ATG7: variants seen among roughly 807,000 people sequenced by gnomAD.
The protein encoded by ATG7 is ubiquitin-like modifier-activating enzyme ATG7.
In ATG7, 70 loss-of-function variants were observed where a neutral mutation model predicts 82.4. The ratio of observed to expected loss-of-function variants is 0.85; its 90% CI spans 0.70 to 1.04. The LOEUF (loss-of-function observed/expected upper bound fraction) is 1.04. ATG7 is among the 50% of genes least tolerant of loss of function. The probability of loss-of-function intolerance (pLI) is 0.00; values close to 1 mark genes in which losing one functional copy is unlikely to be tolerated. For missense variants in ATG7, 792 were observed against 864.3 expected, an observed-to-expected ratio of 0.92 and a Z score of 1.05; for synonymous variants, 287 against 313.0, an observed-to-expected ratio of 0.92 and a Z score of 0.88.
At chr3:11,292,254 CTTT>C (rs57610397) in intron 3 of ATG7, among the ~76,000 whole-genome samples, 5 of 138,836 alleles carry the variant, frequency 3.6e-5, no homozygotes, top group Non-Finnish European at 3.1e-5. Context: ...TTCTTTCTTT[CTTT>C]TTTTTTTTTT....
At chr3:11,568,997 TCCAGGACAGAGC>T in the ATG7 span, 4 of 1,053,182 alleles carry the variant, frequency 3.8e-6, no homozygotes, top group South Asian at 5.7e-5. The surrounding 1 kb of genome is among the most constrained non-coding windows in gnomAD (Gnocchi z 5.9). Flanking sequence ...AACACCATCA[TCCAGGACAGAGC>T]TTTCTGAGTA....
intron 20 of ATG7, among the ~76,000 whole-genome samples, chr3:11,511,832 G>A (rs1295889487): frequency 1.3e-5 from 2 of 152,182 alleles, no homozygotes; most frequent in African/African-American, 4.8e-5. Flanking sequence ...CGCAGCCACT[G>A]GCCCAGGTGC....
intron 20 of ATG7, among the ~76,000 whole-genome samples, chr3:11,487,056 C>T (rs1056303833): frequency 5.3e-5 from 8 of 151,004 alleles, no homozygotes; most frequent in African/African-American, 1.7e-4. Flanking sequence ...ATGCTGCCTT[C>T]AAGCATCTGT....
intron 20 of ATG7, among the ~76,000 whole-genome samples, chr3:11,498,696 A>G (rs1192319217): frequency 6.6e-6 from 1 of 152,014 alleles, no homozygotes; most frequent in Non-Finnish European, 1.5e-5. Flanking sequence ...TTAATTCCCA[A>G]TCCTCTTTTT....
intron 20 of ATG7, among the ~76,000 whole-genome samples, chr3:11,499,682 G>A (rs963312475): frequency 9.9e-5 from 15 of 151,486 alleles, no homozygotes; most frequent in African/African-American, 3.6e-4. Context: ...GGAAGGCAGA[G>A]GTTGCAGTGA....
chr3:11,474,485 A>T (rs887734358), intron 20 of ATG7, among the ~76,000 whole-genome samples: 1 of 152,204 alleles, frequency 6.6e-6, no homozygotes, highest in Non-Finnish European at 1.5e-5. Context: ...CTGTGGTCCC[A>T]GCTACTCTGG....
At chr3:11,372,698 GA>G (rs960069117) in intron 18 of ATG7, among the ~76,000 whole-genome samples, 3 of 150,678 alleles carry the variant, frequency 2.0e-5, no homozygotes, top group East Asian at 3.9e-4. Flanking sequence ...TGTACTAAGG[GA>G]AAAAAAATGT....
intron 20 of ATG7, among the ~76,000 whole-genome samples, chr3:11,543,825 C>T (rs13353407): frequency 0.18 from 27,950 of 152,130 alleles, 2,852 homozygotes; most frequent in Middle Eastern, 0.26. Context: ...TTGCTTGAAC[C>T]GCGGACCTCT....
At chr3:11,505,126 A>C (rs918360534) in intron 20 of ATG7, among the ~76,000 whole-genome samples, 21 of 152,248 alleles carry the variant, frequency 1.4e-4, no homozygotes, top group Non-Finnish European at 2.2e-4. Flanking sequence ...AATTTTCATA[A>C]CAAGCCTTGG....
intron 9 of ATG7, among the ~76,000 whole-genome samples, chr3:11,328,635 C>T (rs1951208077): frequency 6.6e-6 from 1 of 152,054 alleles, no homozygotes; most frequent in Admixed American, 6.5e-5. Flanking sequence ...AATTCATTTT[C>T]AGAGATTGAG....
chr3:11,484,654 C>T (rs2089418337), intron 20 of ATG7, among the ~76,000 whole-genome samples: 1 of 152,140 alleles, frequency 6.6e-6, no homozygotes, highest in Admixed American at 6.5e-5. Flanking sequence ...CACCCATTAA[C>T]TCATCATTCA....
chr3:11,388,262 CTTGATCA>C lies in ATG7; in HGVS notation c.1956+8211_1956+8217del, dbSNP rs569806332. On this transcript the variant is annotated intron_variant, in intron 19 of 20. Coordinates refer to ENST00000693202, the MANE Select transcript of ATG7 (RefSeq NM_001349232.2). ...TTGTGTCTCTGAGATTGTGTAGTCTCTTGATCAACTATTTCATTTCTTTAGGCCCAGC... is the reference window on the plus strand; with the variant it reads ...TTGTGTCTCTGAGATTGTGTAGTCTCACTATTTCATTTCTTTAGGCCCAGC... Among the ~76,000 whole-genome samples, 77 of 151,596 alleles carry C rather than the reference CTTGATCA, an allele frequency of 5.1e-4. 1 individual carries two copies. In the South Asian group the frequency reaches 0.016, roughly 31 times the overall value.
intron 19 of ATG7, among the ~76,000 whole-genome samples, chr3:11,406,498 A>C (rs192190614): frequency 1.3e-5 from 2 of 152,126 alleles, no homozygotes; most frequent in Admixed American, 1.3e-4. Flanking sequence ...TGTAGAGATG[A>C]CATCTTGCTA....
intron 20 of ATG7, among the ~76,000 whole-genome samples, chr3:11,468,926 C>T (rs138059886): frequency 1.1e-3 from 175 of 152,308 alleles, no homozygotes; most frequent in African/African-American, 4.2e-3. Context: ...TCTGGCCCTC[C>T]AGGCTGTGTG....
At chr3:11,364,599 C>A in intron 17 of ATG7, 60 bp from the exon 18 acceptor site, 1 of 1,550,464 alleles carries the variant, frequency 6.4e-7, no homozygotes, top group South Asian at 1.1e-5. Context: ...TCTGCTAGAT[C>A]ATCCTCCCAT....
At chr3:11,298,942 C>G (rs1429910731) in intron 4 of ATG7, 87 bp downstream of exon 4, 1 of 1,447,290 alleles carries the variant, frequency 6.9e-7, no homozygotes. Context: ...TAGAAAGAGA[C>G]AGCCTTGTCT....
chr3:11,548,281 T>C (rs1417166280), intron 20 of ATG7, among the ~76,000 whole-genome samples: 1 of 152,232 alleles, frequency 6.6e-6, no homozygotes, highest in Non-Finnish European at 1.5e-5. Flanking sequence ...TTATATATTC[T>C]AGATACAAGT....
At chr3:11,275,825 G>A (rs571199063) in intron 1 of ATG7, among the ~76,000 whole-genome samples, 19 of 152,188 alleles carry the variant, frequency 1.2e-4, no homozygotes, top group African/African-American at 3.1e-4. Flanking sequence ...ATCTCAGACC[G>A]GCTTCAGAAT....
chr3:11,559,199 G>A (rs1575341494), downstream of ATG7: 2 of 1,396,874 alleles, frequency 1.4e-6, no homozygotes, highest in Non-Finnish European at 1.9e-6. Flanking sequence ...CACTGGACGT[G>A]CTCAAGAAAT....
Sources: gnomAD v4.1 joint callset for allele counts (sites outside exome capture counted in the v4.1 genomes callset) on GRCh38, gnomAD v4.1.1 for gene constraint, Gnocchi (gnomAD v3.1) non-coding constraint, MANE v1.5 for transcripts, NCBI Gene and HGNC (gene_info 2026-07-23, HGNC 2026-07-21) for gene names.